C9: variants seen among roughly 807,000 people sequenced by gnomAD.
C9 encodes the protein complement C9, also known as complement component C9.
In C9, 63 loss-of-function variants were observed where a neutral mutation model predicts 65.4. The ratio of observed to expected loss-of-function variants is 0.96; its 90% confidence interval spans 0.79 to 1.19. The LOEUF is 1.19. C9 is among the 50% of genes most tolerant of loss of function. The pLI is 0.00. For missense variants in C9, 744 were observed against 670.1 expected, an observed-to-expected ratio of 1.11 and a Z score of -1.22; for synonymous variants, 229 against 227.9, an observed-to-expected ratio of 1.00 and a Z score of -0.04.
chr5:39,300,888 T>A (rs184678872), intron 9 of C9, among the ~76,000 whole-genome samples: 282 of 152,270 alleles, frequency 1.9e-3, no homozygotes, highest in Non-Finnish European at 3.0e-3. Flanking sequence ...TTTATTTCAC[T>A]GGCTAGGACT....
intron 7 of C9, among the ~76,000 whole-genome samples, chr5:39,310,875 T>C (rs983779967): frequency 1.3e-5 from 2 of 152,190 alleles, no homozygotes; most frequent in Non-Finnish European, 2.9e-5. Context: ...CACCTTCTAA[T>C]AGATGTGAAG....
intron 9 of C9, 36 bp downstream of exon 9, chr5:39,306,581 C>G (rs1337293425): frequency 6.6e-7 from 1 of 1,518,478 alleles, no homozygotes; most frequent in Admixed American, 1.7e-5. Flanking sequence ...AAAAAAATGA[C>G]ACAGTCTTCT....
chr5:39,345,597 A>C (rs910848283), intron 1 of C9, among the ~76,000 whole-genome samples: 8 of 152,334 alleles, frequency 5.3e-5, no homozygotes, highest in Non-Finnish European at 1.2e-4. Context: ...CCCCACTGTC[A>C]ACATTAGACA....
At chr5:39,306,103 C>T (rs984881169) in intron 9 of C9, among the ~76,000 whole-genome samples, 5 of 144,582 alleles carry the variant, frequency 3.5e-5, no homozygotes, top group Middle Eastern at 7.4e-3. Context: ...GCGGAGGTTG[C>T]AGTGAGCTGA....
chr5:39,341,624 T>C lies in C9; in HGVS notation c.260A>G (p.Gln87Arg). 3 of 1,613,600 alleles carry C rather than the reference T, an allele frequency of 1.9e-6. No homozygotes were observed. The highest frequency in any genetic ancestry group is 2.5e-6 in the Non-Finnish European group (3 of 1,179,460). ...RCTDAVGDRR[Q>R]CVPTEPCEDA... ...CTCACAGGGCTCTGTGGGCACACAC[T>C]GTCGTCTGTCTCCCACAGCGTCGGT... The change falls in exon 3 of 11, where the codon CAG becomes CGG. Residue 87 changes from glutamine to arginine, a missense_variant. Transcript: ENST00000263408.
chr5:39,322,157 T>C (rs1753676080), intron 5 of C9, among the ~76,000 whole-genome samples: 1 of 152,028 alleles, frequency 6.6e-6, no homozygotes, highest in Admixed American at 6.5e-5. Flanking sequence ...AGGATCTCTT[T>C]TGATCACAAT....
At position 39,331,737 on chromosome 5, in the gene C9, C is replaced by T. The variant is rs1335945040; in HGVS notation, c.554G>A (p.Arg185Gln). ...EFYNGLCNRD[R>Q]DGNTLTYYRR... ...GTAGTATGTCAGAGTGTTTCCATCC[C>T]GATCCCGGTTACAGAGTCCATTGTA... Residue 185 changes from arginine to glutamine, a missense_variant, in exon 5 of 11, where the codon CGG (arginine) becomes CAG (glutamine). Arg to Gln is a conservative substitution (Grantham distance 43). Coordinates refer to ENST00000263408, the MANE Select transcript of C9 (RefSeq NM_001737.5). 13 of 1,613,420 alleles carry T rather than the reference C, an allele frequency of 8.1e-6. No homozygotes were observed. The highest frequency in any genetic ancestry group is 2.2e-5 in the East Asian group (1 of 44,884).
At chr5:39,317,413 T>C (rs1375864159) in intron 5 of C9, among the ~76,000 whole-genome samples, 1 of 152,218 alleles carries the variant, frequency 6.6e-6, no homozygotes, top group Non-Finnish European at 1.5e-5. Context: ...ATGAAATCTT[T>C]GCCCATGCCT....
intron 1 of C9, among the ~76,000 whole-genome samples, chr5:39,348,311 A>G (rs1221039538): frequency 1.3e-5 from 2 of 152,216 alleles, no homozygotes; most frequent in African/African-American, 4.8e-5. Context: ...AAAGAACTCA[A>G]ATAAATTTAC....
intron 4 of C9, among the ~76,000 whole-genome samples, chr5:39,340,083 G>A (rs144084388): frequency 4.7e-4 from 72 of 152,220 alleles, no homozygotes; most frequent in African/African-American, 1.7e-3. Context: ...CGGGACTGGA[G>A]TCCTATCCGG....
intron 4 of C9, among the ~76,000 whole-genome samples, chr5:39,333,950 C>A (rs961614322): frequency 9.2e-5 from 14 of 152,200 alleles, no homozygotes; most frequent in Admixed American, 4.6e-4. Flanking sequence ...GTGGCGTGAT[C>A]TCGGCTCGCT....
intron 6 of C9, 22 bp downstream of exon 6, chr5:39,315,753 T>C (rs1312366043): frequency 6.5e-7 from 1 of 1,541,218 alleles, no homozygotes; most frequent in East Asian, 2.3e-5. Context: ...TCTATATTCC[T>C]ATATTAACTG....
In C9 at chr5:39,341,691, T is replaced by C. The variant is rs769897863; in HGVS notation, c.193A>G (p.Arg65Gly). The C allele has an allele frequency of 6.2e-7, 1 of 1,614,110 alleles. No individual in the cohort carries two copies. The highest frequency in any genetic ancestry group is 1.1e-5 in the South Asian group (1 of 91,082). The change falls in exon 3 of 11, where the codon AGA (arginine) becomes GGA (glycine). Residue 65 changes from arginine to glycine, a missense_variant. By Grantham distance (125) the Arg-to-Gly change is moderately radical (BLOSUM62 -2). Transcript: ENST00000263408. ...DPCLRQMFRS[R>G]SIEVFGQFNG... ...AATTGTCCAAAGACCTCAATGCTTC[T>C]TGAACGAAACTGCACAATATCAGTT...
At chr5:39,356,149 TTACTC>T (rs1754409904) in intron 1 of C9, among the ~76,000 whole-genome samples, 1 of 152,186 alleles carries the variant, frequency 6.6e-6, no homozygotes, top group Non-Finnish European at 1.5e-5. Context: ...TCATTAACCT[TTACTC>T]TACCTTTTCT....
At chr5:39,311,423 C>A (rs771832709) in intron 6 of C9, 46 bp from the exon 7 acceptor site, 1 of 1,592,902 alleles carries the variant, frequency 6.3e-7, no homozygotes, top group African/African-American at 1.3e-5. Flanking sequence ...GTTTTATCCA[C>A]CATTTCAAAT....
At chr5:39,332,875 A>G (rs1482589839) in intron 4 of C9, among the ~76,000 whole-genome samples, 2 of 152,252 alleles carry the variant, frequency 1.3e-5, no homozygotes, top group South Asian at 2.1e-4. Context: ...TAAAAACAAC[A>G]TCTTTATATA....
At chr5:39,315,493 A>G (rs989921310) in intron 6 of C9, among the ~76,000 whole-genome samples, 5 of 152,190 alleles carry the variant, frequency 3.3e-5, no homozygotes, top group African/African-American at 1.2e-4. Context: ...TGATGATCAT[A>G]TAAATTGAAT....
chr5:39,301,202 G>A (rs1364436520), intron 9 of C9, among the ~76,000 whole-genome samples: 1 of 152,178 alleles, frequency 6.6e-6, no homozygotes, highest in East Asian at 1.9e-4. Context: ...TAGTATTCTT[G>A]CCAAATATGC....
rs765328210 is a variant in C9 at position 39,316,688 on chromosome 5, T to C, written c.616-659A>G. Among the ~76,000 whole-genome samples, 36 of 152,238 alleles carry C rather than the reference T, an allele frequency of 2.4e-4. 1 individual carries two copies. The highest frequency in any genetic ancestry group is 1.0e-4 in the Non-Finnish European group (7 of 68,034). ...CAAAGGACGTGATCTTGTTCCTTTT[T>C]ATGGCTGCATAGTATTCCATGGTGT... On this transcript the variant is annotated intron_variant, in intron 5 of 10. Coordinates refer to ENST00000263408, the MANE Select transcript of C9 (RefSeq NM_001737.5).
Sources: allele counts gnomAD v4.1 joint callset (sites outside exome capture counted in the v4.1 genomes callset), GRCh38; gene constraint gnomAD v4.1.1; transcripts MANE v1.5; gene names NCBI Gene and HGNC (gene_info 2026-07-23, HGNC 2026-07-21).